The following ELAPOR1 variants were observed in gnomAD, a reference collection of about 807,000 sequenced individuals.
ELAPOR1 encodes the protein endosome/lysosome-associated apoptosis and autophagy regulator 1.
Under a neutral mutation model 119.7 loss-of-function variants are expected in ELAPOR1, and 77 were observed. The observed-to-expected ratio is 0.64, with a 90% CI of 0.54 to 0.78. ELAPOR1 has a LOEUF of 0.78. ELAPOR1 is among the 30% of genes least tolerant of loss of function. The probability of loss-of-function intolerance (pLI) is 0.00; values close to 1 mark genes in which losing one functional copy is unlikely to be tolerated. For missense variants in ELAPOR1, 1,115 were observed against 1,270.4 expected (o/e 0.88, Z 1.86); for synonymous variants, 481 against 487.2 (o/e 0.99, Z 0.17).
At chr1:109,171,829 GCTC>G in intron 3 of ELAPOR1, 34 bp from the exon 4 acceptor site, 1 of 1,611,252 alleles carries the variant, frequency 6.2e-7, no homozygotes, top group Non-Finnish European at 8.5e-7. Flanking sequence ...GGTGGGCTGT[GCTC>G]CTGCCTGTGA....
intron 1 of ELAPOR1, among the ~76,000 whole-genome samples, chr1:109,127,440 G>T (rs183524012): frequency 1.3e-5 from 2 of 151,722 alleles, no homozygotes; most frequent in African/African-American, 4.8e-5. Context: ...GGTCTTGATC[G>T]CCTGACCTTG....
intron 8 of ELAPOR1, among the ~76,000 whole-genome samples, chr1:109,186,254 A>G (rs111775399): frequency 0.02 from 3,089 of 152,172 alleles, 99 homozygotes; most frequent in African/African-American, 0.064. Context: ...CAGCTGGGCC[A>G]GGTGGGTGGA....
At chr1:109,189,235 C>T (rs1653271325) in intron 10 of ELAPOR1, 41 bp downstream of exon 10, 1 of 1,599,572 alleles carries the variant, frequency 6.3e-7, no homozygotes, top group African/African-American at 1.3e-5. Context: ...CAGCTCCCTG[C>T]ACACCCTCAG....
intron 5 of ELAPOR1, 99 bp downstream of exon 5, chr1:109,172,667 G>A: frequency 1.2e-6 from 1 of 803,856 alleles, no homozygotes; most frequent in Non-Finnish European, 2.1e-6. Context: ...CCACCCCAAT[G>A]TCCCTGGAGG....
intron 1 of ELAPOR1, among the ~76,000 whole-genome samples, chr1:109,144,053 A>ATATTTTTTT (rs1650004030): frequency 2.2e-5 from 2 of 89,792 alleles, no homozygotes; most frequent in Non-Finnish European, 2.0e-5. Flanking sequence ...ATATATATAT[A>ATATTTTTTT]TTTATATATT....
intron 14 of ELAPOR1, 36 bp from the exon 15 acceptor site, chr1:109,194,385 T>C (rs1227508291): frequency 1.3e-6 from 2 of 1,598,380 alleles, no homozygotes; most frequent in Middle Eastern, 1.7e-4. Flanking sequence ...AGGCCCTTCC[T>C]GACCAGCTGG....
At chr1:109,179,409 CAAAA>C (rs773712424) in intron 7 of ELAPOR1, among the ~76,000 whole-genome samples, 1 of 50,444 alleles carries the variant, frequency 2.0e-5, no homozygotes, top group Non-Finnish European at 4.3e-5. Context: ...ACTCTGTCTC[CAAAA>C]AAAAAAAAAA....
At chr1:109,135,532 C>T (rs190640942) in intron 1 of ELAPOR1, among the ~76,000 whole-genome samples, 6 of 152,288 alleles carry the variant, frequency 3.9e-5, no homozygotes, top group Admixed American at 1.3e-4. Context: ...TGTGAGCCAC[C>T]GTGCCCAGCT....
intron 12 of ELAPOR1, 121 bp downstream of exon 12, chr1:109,191,592 C>T: frequency 1.4e-6 from 2 of 1,413,064 alleles, no homozygotes; most frequent in East Asian, 4.6e-5. Flanking sequence ...AGGAAAGGCC[C>T]AGACTGACCA....
At chr1:109,184,662 C>G (rs648673) in intron 7 of ELAPOR1, among the ~76,000 whole-genome samples, 119,782 of 152,214 alleles carry the variant, frequency 0.79, 48,736 homozygotes, top group East Asian at 1. Context: ...AGATGGTGAA[C>G]TCTCTGAACC....
intron 7 of ELAPOR1, among the ~76,000 whole-genome samples, chr1:109,177,474 A>G (rs1267392369): frequency 8.2e-6 from 1 of 121,284 alleles, no homozygotes; most frequent in Non-Finnish European, 1.7e-5. Flanking sequence ...CCGGGCAGAG[A>G]CGCTCCTCAC....
chr1:109,202,737 G>T (rs185778133), intron 21 of ELAPOR1, among the ~76,000 whole-genome samples: 1 of 152,080 alleles, frequency 6.6e-6, no homozygotes, highest in Non-Finnish European at 1.5e-5. Flanking sequence ...ACCACACCCC[G>T]CCTAAAAGAA....
At chr1:109,175,826 CAAAAAAA>C (rs55824923) in intron 7 of ELAPOR1, among the ~76,000 whole-genome samples, 1 of 88,434 alleles carries the variant, frequency 1.1e-5, no homozygotes, top group African/African-American at 4.6e-5. Context: ...GACTCAGTCT[CAAAAAAA>C]AAAAAAAAAA....
chr1:109,159,989 C>A (rs1651146734), intron 1 of ELAPOR1, among the ~76,000 whole-genome samples: 1 of 152,052 alleles, frequency 6.6e-6, no homozygotes, highest in Non-Finnish European at 1.5e-5. Context: ...TGTATAGTTG[C>A]CCTATTTGTC....
At chr1:109,187,373 C>T (rs1214103561) in intron 8 of ELAPOR1, 1 of 985,514 alleles carries the variant, frequency 1.0e-6, no homozygotes, top group African/African-American at 1.7e-5. Flanking sequence ...CCCAGGGCTC[C>T]CCATCAGTTA....
intron 1 of ELAPOR1, among the ~76,000 whole-genome samples, chr1:109,149,914 C>T (rs375941006): frequency 1.3e-5 from 2 of 152,108 alleles, no homozygotes; most frequent in African/African-American, 4.8e-5. Flanking sequence ...CTTCAGGAGG[C>T]TTTTGTGAGG....
At position 109,172,544 on chromosome 1, in the gene ELAPOR1, A is replaced by G; in HGVS notation, c.672A>G (p.Thr224=). 6.2e-7 allele frequency: 1 copy of G among 1,613,720 alleles called. No individual in the cohort carries two copies. Among genetic ancestry groups the G allele is most frequent in the Non-Finnish European group, 8.5e-7 (1 of 1,179,626 alleles). Residue 224 remains threonine (T), a synonymous_variant, in exon 5 of 22, where the codon ACA becomes ACG. Transcript: ENST00000369939. ...NADDSRWMKT[T]EKGWEFHSVE... ...ATGACTCCAGGTGGATGAAGACCACAGAGAAAGGATGGGAATTCCACAGTG... is the reference window on the plus strand; with the variant it reads ...ATGACTCCAGGTGGATGAAGACCACGGAGAAAGGATGGGAATTCCACAGTG...
intron 3 of ELAPOR1, 107 bp from the exon 4 acceptor site, chr1:109,171,759 C>T: frequency 8.3e-7 from 1 of 1,200,608 alleles, no homozygotes; most frequent in East Asian, 2.5e-5. Flanking sequence ...TTGTGAATCA[C>T]AAGCCTGAAA....
intron 3 of ELAPOR1, 146 bp from the exon 4 acceptor site, chr1:109,171,720 A>G (rs1651938126): frequency 1.2e-6 from 1 of 812,562 alleles, no homozygotes; most frequent in African/African-American, 1.7e-5. Context: ...GTCTTTCTTC[A>G]CTGAGCATTT....
Sources: allele counts gnomAD v4.1 joint callset (sites outside exome capture counted in the v4.1 genomes callset), GRCh38; gene constraint gnomAD v4.1.1; transcripts MANE v1.5; gene names NCBI Gene and HGNC (gene_info 2026-07-23, HGNC 2026-07-21).